LINGO2: variants seen among roughly 807,000 people sequenced by gnomAD.
The protein encoded by LINGO2 is leucine rich repeat and Ig domain containing 2.
Under a neutral mutation model 30.6 loss-of-function variants are expected in LINGO2, and 14 were observed. The ratio of observed to expected loss-of-function variants is 0.46; its 90% CI spans 0.30 to 0.72. The LOEUF (loss-of-function observed/expected upper bound fraction) is 0.72, where lower values mean the gene tolerates loss of function less well. Among genes scored for constraint, LINGO2 ranks in the 30% least tolerant of loss-of-function variants. LINGO2 has a pLI of 0.07. For missense variants in LINGO2, 729 were observed against 751.7 expected (o/e 0.97, Z 0.35); for synonymous variants, 317 against 288.5 (o/e 1.10, Z -1.00).
At chr9:28,015,291 C>A (rs1587693162) in intron 4 of LINGO2, among the ~76,000 whole-genome samples, 1 of 152,090 alleles carries the variant, frequency 6.6e-6, no homozygotes, top group Non-Finnish European at 1.5e-5. Context: ...TTACAAATTT[C>A]TTGTAGTATT....
At chr9:29,102,153 C>T in the LINGO2 span, among the ~76,000 whole-genome samples, 3 of 151,794 alleles carry the variant, frequency 2.0e-5, no homozygotes, top group Non-Finnish European at 4.4e-5. Flanking sequence ...GCAATTTTGG[C>T]TCACTACAAG....
the LINGO2 span, among the ~76,000 whole-genome samples, chr9:28,698,672 A>G: frequency 6.6e-6 from 1 of 151,890 alleles, no homozygotes; most frequent in South Asian, 2.1e-4. Flanking sequence ...GTTTCACAAT[A>G]ACATTGAATA....
At chr9:29,100,675 T>A in the LINGO2 span, among the ~76,000 whole-genome samples, 1 of 152,032 alleles carries the variant, frequency 6.6e-6, no homozygotes, top group Admixed American at 6.6e-5. Context: ...GACCATGGTA[T>A]AAAAATAATT....
the LINGO2 span, among the ~76,000 whole-genome samples, chr9:29,046,915 C>T: frequency 5.3e-5 from 8 of 151,954 alleles, no homozygotes; most frequent in African/African-American, 1.9e-4. Context: ...CCCATCTCTA[C>T]TAAAGATACA....
intron 5 of LINGO2, among the ~76,000 whole-genome samples, chr9:27,960,269 A>G (rs1428511360): frequency 2.0e-5 from 3 of 152,168 alleles, no homozygotes; most frequent in Admixed American, 6.5e-5. Flanking sequence ...TGGTTAATCA[A>G]TCTAGAGCTG....
intron 5 of LINGO2, among the ~76,000 whole-genome samples, chr9:27,999,688 A>G (rs183345003): frequency 6.6e-6 from 1 of 152,300 alleles, no homozygotes; most frequent in Admixed American, 6.5e-5. Context: ...ATCCATTATC[A>G]TGTACACTGA....
intron 4 of LINGO2, among the ~76,000 whole-genome samples, chr9:28,125,221 A>G (rs1827203719): frequency 6.6e-6 from 1 of 152,234 alleles, no homozygotes; most frequent in Non-Finnish European, 1.5e-5. Flanking sequence ...AGCTGTGGCT[A>G]TAAATTTCTT....
chr9:28,966,540 T>G, the LINGO2 span, among the ~76,000 whole-genome samples: 1 of 152,102 alleles, frequency 6.6e-6, no homozygotes, highest in South Asian at 2.1e-4. Context: ...ACACTCATTA[T>G]GTGAAATATG....
chr9:28,364,998 A>T (rs1455567301), intron 3 of LINGO2, among the ~76,000 whole-genome samples: 1 of 152,242 alleles, frequency 6.6e-6, no homozygotes, highest in Admixed American at 6.5e-5. Flanking sequence ...GAAATCAGGT[A>T]GGAAAGATAA....
Position 28,600,383 on chromosome 9 carries a change from T to C in LINGO2, c.-365+69817A>G, listed in dbSNP as rs796351134. On this transcript the variant is annotated intron_variant, in intron 1 of 5. Transcript: ENST00000379992. ...TATAGTTTGTATTGTTTCATTGTTA[T>C]ATGTTTATATCAATGAATCCACAAC... 5.9e-4 allele frequency among the ~76,000 whole-genome samples: 90 copies of C among 152,284 alleles called. 1 individual carries two copies. The highest frequency in any genetic ancestry group is 2.1e-3 in the African/African-American group (87 of 41,576).
chr9:28,526,846 T>G (rs1334690131), intron 1 of LINGO2, among the ~76,000 whole-genome samples: 1 of 152,196 alleles, frequency 6.6e-6, no homozygotes, highest in Non-Finnish European at 1.5e-5. Flanking sequence ...CTGTATTTCA[T>G]AAATGAATTA....
At chr9:28,356,522 T>C (rs1160265645) in intron 3 of LINGO2, among the ~76,000 whole-genome samples, 1 of 152,124 alleles carries the variant, frequency 6.6e-6, no homozygotes, top group East Asian at 1.9e-4. Context: ...AATCATAAAA[T>C]TGCTGCTTTT....
At chr9:28,961,946 G>T in the LINGO2 span, among the ~76,000 whole-genome samples, 2 of 107,494 alleles carry the variant, frequency 1.9e-5, no homozygotes, top group East Asian at 2.5e-4. Flanking sequence ...CAAGAGAGCT[G>T]CTATGCCTGT....
At chr9:28,394,309 G>C (rs1014854334) in intron 2 of LINGO2, among the ~76,000 whole-genome samples, 1 of 152,108 alleles carries the variant, frequency 6.6e-6, no homozygotes, top group Non-Finnish European at 1.5e-5. Context: ...CTCTAATTCT[G>C]AAGGCAAGAG....
At chr9:28,094,699 A>G (rs1251710117) in intron 4 of LINGO2, among the ~76,000 whole-genome samples, 1 of 152,122 alleles carries the variant, frequency 6.6e-6, no homozygotes, top group Non-Finnish European at 1.5e-5. Context: ...AATAAGCTAC[A>G]ATTAGAACAA....
At chr9:28,733,888 C>T in the LINGO2 span, among the ~76,000 whole-genome samples, 1 of 151,986 alleles carries the variant, frequency 6.6e-6, no homozygotes, top group African/African-American at 2.4e-5. Flanking sequence ...GCGATTTTGC[C>T]CTAAGTACTA....
the LINGO2 span, among the ~76,000 whole-genome samples, chr9:28,927,882 T>C: frequency 6.6e-6 from 1 of 152,214 alleles, no homozygotes; most frequent in African/African-American, 2.4e-5. Flanking sequence ...GCCACATAGC[T>C]CATAAGTGAC....
the LINGO2 span, among the ~76,000 whole-genome samples, chr9:29,160,165 G>A: frequency 6.6e-6 from 1 of 152,160 alleles, no homozygotes; most frequent in Admixed American, 6.6e-5. Flanking sequence ...ATGAAGCTAA[G>A]GCAATTGCAT....
At chr9:28,221,431 A>G (rs1386922406) in intron 4 of LINGO2, among the ~76,000 whole-genome samples, 1 of 152,080 alleles carries the variant, frequency 6.6e-6, no homozygotes, top group Non-Finnish European at 1.5e-5. Flanking sequence ...TATACTTCAA[A>G]TCATCATGTT....
Sources: allele counts gnomAD v4.1 joint callset (sites outside exome capture counted in the v4.1 genomes callset), GRCh38; gene constraint gnomAD v4.1.1; transcripts MANE v1.5; gene names NCBI Gene and HGNC (gene_info 2026-07-23, HGNC 2026-07-21).